Variants in CASK observed in about 807,000 individuals in gnomAD.
The protein encoded by CASK is calcium/calmodulin dependent serine protein kinase, also known as peripheral plasma membrane protein CASK.
In CASK, 4 loss-of-function variants were observed where a neutral mutation model predicts 82.9. That is an observed-to-expected ratio of 0.05 (90% CI 0.02 to 0.11). The LOEUF (loss-of-function observed/expected upper bound fraction) is 0.11. Ranked by LOEUF, CASK falls within the 10% of genes least tolerant of loss-of-function variation. CASK has a pLI of 1.00. For missense variants in CASK, 358 were observed against 720.9 expected (o/e 0.50, Z 5.76); for synonymous variants, 259 against 253.5 (o/e 1.02, Z -0.20).
At chrX:41,769,943 T>TCAACAACAACAACAA in intron 3 of CASK, among the ~76,000 whole-genome samples, 1 of 110,425 alleles carries the variant, frequency 9.1e-6, no homozygotes, top group African/African-American at 3.3e-5. Flanking sequence ...AGACCCTGTC[T>TCAACAACAACAACAA]CAACAACAAC....
chrX:41,904,881 T>C (rs1392148691), intron 1 of CASK, among the ~76,000 whole-genome samples: 1 of 111,787 alleles, frequency 8.9e-6, no homozygotes, highest in Admixed American at 9.5e-5. Context: ...CTCAGAATAA[T>C]GGCCTCCAGC....
intron 7 of CASK, among the ~76,000 whole-genome samples, chrX:41,664,746 T>A (rs1266222939): frequency 8.9e-6 from 1 of 112,625 alleles, no homozygotes; most frequent in Non-Finnish European, 1.9e-5. Context: ...GATTTACTAA[T>A]CACAAGTCTG....
At chrX:41,528,126 T>C (rs2064740357) in intron 25 of CASK, among the ~76,000 whole-genome samples, 1 of 112,616 alleles carries the variant, frequency 8.9e-6, no homozygotes, top group African/African-American at 3.2e-5. Context: ...TCACTTTCAA[T>C]TGGCTGTAAA....
At chrX:41,645,794 GA>G (rs34027297) in intron 8 of CASK, among the ~76,000 whole-genome samples, 12,306 of 110,765 alleles carry the variant, frequency 0.11, 710 homozygotes, top group Non-Finnish European at 0.17. Flanking sequence ...TTTATTTAAT[GA>G]TTCTCCTCCT....
intron 12 of CASK, among the ~76,000 whole-genome samples, chrX:41,605,453 AG>A (rs777604799): frequency 4.6e-5 from 5 of 109,196 alleles, no homozygotes; most frequent in African/African-American, 1.7e-4. Context: ...AAAAAAAAAA[AG>A]GGCTGAGTGT....
At chrX:41,840,092 T>C (rs774763806) in intron 2 of CASK, among the ~76,000 whole-genome samples, 1 of 112,147 alleles carries the variant, frequency 8.9e-6, no homozygotes, top group East Asian at 2.8e-4. Flanking sequence ...ATATAAACTT[T>C]AGATCAATTT....
intron 1 of CASK, among the ~76,000 whole-genome samples, chrX:41,888,771 G>GTA (rs201653164): frequency 0.19 from 19,157 of 101,774 alleles, 1,557 homozygotes; most frequent in Middle Eastern, 0.3. Flanking sequence ...GTGTATATAT[G>GTA]TATATATACA....
rs182140995 is a variant in CASK, at chrX:41,624,853, T to C, written c.1015+1751A>G. On this transcript the variant is annotated intron_variant, in intron 10 of 26. Transcript: ENST00000378163. ...ACTGTGGGACAGAAACCTCAGGCTT[T>C]AGGAAGGGCCCAGGGCCTCAGTCCC... 1.4e-3 allele frequency among the ~76,000 whole-genome samples: 151 copies of C among 111,392 alleles called. 2 individuals are homozygous for C. Among genetic ancestry groups the C allele is most frequent in the African/African-American group, 4.8e-3 (147 of 30,603 alleles).
intron 9 of CASK, among the ~76,000 whole-genome samples, chrX:41,631,175 G>A (rs1324271319): frequency 8.9e-6 from 1 of 111,756 alleles, no homozygotes; most frequent in Non-Finnish European, 1.9e-5. Context: ...AAGAGTAATT[G>A]CACAGAATAG....
intron 8 of CASK, among the ~76,000 whole-genome samples, chrX:41,652,982 T>C (rs941754562): frequency 8.9e-6 from 1 of 111,894 alleles, no homozygotes; most frequent in Non-Finnish European, 1.9e-5. Flanking sequence ...AGGGGAGGCC[T>C]TGGGGACCAA....
intron 3 of CASK, among the ~76,000 whole-genome samples, chrX:41,772,765 C>T (rs2069269433): frequency 9.0e-6 from 1 of 110,779 alleles, no homozygotes; most frequent in Non-Finnish European, 1.9e-5. Context: ...TTTAGGAGGC[C>T]GAGGCGGGCG....
At chrX:41,694,173 A>G (rs1422112513) in intron 5 of CASK, among the ~76,000 whole-genome samples, 4 of 112,666 alleles carry the variant, frequency 3.6e-5, no homozygotes, top group African/African-American at 1.3e-4. Context: ...GCTAACTTTT[A>G]TTAAGCAGTC....
At chrX:41,850,770 A>C (rs1338304553) in intron 2 of CASK, among the ~76,000 whole-genome samples, 1 of 111,875 alleles carries the variant, frequency 8.9e-6, no homozygotes, top group African/African-American at 3.3e-5. Context: ...TGTGTTGCCC[A>C]TAGTGACTGG....
At chrX:41,850,425 A>G (rs2071240528) in intron 2 of CASK, among the ~76,000 whole-genome samples, 1 of 111,655 alleles carries the variant, frequency 9.0e-6, no homozygotes, top group Non-Finnish European at 1.9e-5. Context: ...CACTAGGAAA[A>G]CAAGAAAAAA....
chrX:41,517,730 A>G lies in CASK; in HGVS notation c.*2690T>C. 1 of 624,427 alleles carries G rather than the reference A, an allele frequency of 1.6e-6. No homozygotes were observed. The highest frequency in any genetic ancestry group is 2.5e-6 in the Non-Finnish European group (1 of 394,473). The allele number at this position is 624,427 out of a possible 1,213,427, so 51.5% of individuals were successfully genotyped here. A position where few individuals can be genotyped will look rare whatever the true frequency, so the allele number is the denominator to read the frequency against. On this transcript the variant is annotated 3_prime_UTR_variant, in exon 27 of 27. Coordinates refer to ENST00000378163, the MANE Select transcript of CASK (RefSeq NM_001367721.1). ...GGAAGCAGTAAAGAAGCTTTTAGCAATTTTCTCTGATTGCTTAGTGGACAA... is the reference window on the plus strand; with the variant it reads ...GGAAGCAGTAAAGAAGCTTTTAGCAGTTTTCTCTGATTGCTTAGTGGACAA...
At chrX:41,789,536 G>A (rs2069676327) in intron 2 of CASK, among the ~76,000 whole-genome samples, 1 of 111,596 alleles carries the variant, frequency 9.0e-6, no homozygotes, top group African/African-American at 3.3e-5. Context: ...TGGGGTTTGT[G>A]CTGGGAAGTC....
chrX:41,754,319 T>C (rs1214283561), intron 3 of CASK, among the ~76,000 whole-genome samples: 1 of 110,869 alleles, frequency 9.0e-6, no homozygotes, highest in Non-Finnish European at 1.9e-5. Context: ...CCAAATTGCT[T>C]GAGCCTGGAA....
At chrX:41,580,801 GT>G (rs909202711) in intron 14 of CASK, among the ~76,000 whole-genome samples, 21 of 112,200 alleles carry the variant, frequency 1.9e-4, no homozygotes, top group Non-Finnish European at 3.4e-4. Context: ...ATGTTAAGAC[GT>G]ATGAGTGAGC....
intron 6 of CASK, among the ~76,000 whole-genome samples, chrX:41,670,357 A>G (rs192697808): frequency 8.9e-6 from 1 of 112,549 alleles, no homozygotes; most frequent in African/African-American, 3.2e-5. Context: ...TTTGCATATT[A>G]TTGGAAATGA....
Sources: gnomAD v4.1 joint callset for allele counts (sites outside exome capture counted in the v4.1 genomes callset) on GRCh38, gnomAD v4.1.1 for gene constraint, MANE v1.5 for transcripts, NCBI Gene and HGNC (gene_info 2026-07-23, HGNC 2026-07-21) for gene names.